The following RUBCN variants were observed in gnomAD, a reference collection of about 807,000 sequenced individuals.
RUBCN encodes the protein run domain Beclin-1-interacting and cysteine-rich domain-containing protein.
Under a neutral mutation model 113.2 loss-of-function variants are expected in RUBCN, and 74 were observed. That is an observed-to-expected ratio of 0.65 (90% CI 0.54 to 0.79). The LOEUF is 0.79. RUBCN is among the 30% of genes least tolerant of loss of function. The probability of loss-of-function intolerance (pLI) is 0.00; values close to 1 mark genes in which losing one functional copy is unlikely to be tolerated. For missense variants in RUBCN, 1,109 were observed against 1,251.7 expected (o/e 0.89, Z 1.72); for synonymous variants, 480 against 490.0 (o/e 0.98, Z 0.27).
intron 11 of RUBCN, chr3:197,691,210 C>CTA (rs1292359089): frequency 2.3e-6 from 2 of 861,370 alleles, no homozygotes; most frequent in Non-Finnish European, 3.3e-6. Context: ...AACTAATATT[C>CTA]TATACCATAT....
At chr3:197,737,975 A>G (rs1356529497), upstream of RUBCN, among the ~76,000 whole-genome samples, 1 of 152,078 alleles carries the variant, frequency 6.6e-6, no homozygotes, top group African/African-American at 2.4e-5. Flanking sequence ...TGCAGCCTGG[A>G]ACTCCTGGGC....
chr3:197,674,415 C>T lies in RUBCN; in HGVS notation c.*603G>A, dbSNP rs1720103586. ...GCAACATAGGGACATTCACAGCTGC[C>T]TCTGAGGTCTCTGAGGAGTCTAGGA... On this transcript the variant is annotated 3_prime_UTR_variant, in exon 20 of 20. Coordinates refer to ENST00000296343, the MANE Select transcript of RUBCN (RefSeq NM_014687.4). 6.7e-6 allele frequency: 2 copies of T among 300,106 alleles called. No homozygotes were observed. The highest frequency in any genetic ancestry group is 2.3e-5 in the African/African-American group (1 of 44,138). The allele number at this position is 300,106 out of a possible 1,614,324, so 18.6% of individuals were successfully genotyped here. A position where few individuals can be genotyped will look rare whatever the true frequency, so the allele number is the denominator to read the frequency against.
intron 6 of RUBCN, among the ~76,000 whole-genome samples, chr3:197,701,438 C>G (rs1262172448): frequency 2.0e-5 from 3 of 152,148 alleles, no homozygotes; most frequent in African/African-American, 7.2e-5. Flanking sequence ...ACATGATTGG[C>G]AATCATTCGG....
chr3:197,693,178 ACTC>A (rs1289852225), intron 11 of RUBCN, among the ~76,000 whole-genome samples: 2 of 151,872 alleles, frequency 1.3e-5, no homozygotes, highest in African/African-American at 4.8e-5. Context: ...CTATGCTGAT[ACTC>A]CTACCACCAC....
At chr3:197,710,454 G>C (rs1724831801) in intron 2 of RUBCN, among the ~76,000 whole-genome samples, 1 of 151,990 alleles carries the variant, frequency 6.6e-6, no homozygotes, top group Admixed American at 6.6e-5. Context: ...TACAAAATTA[G>C]CTGGGCATGG....
chr3:197,694,533 A>T lies in RUBCN; in HGVS notation c.1526T>A (p.Met509Lys). The change falls in exon 10 of 20, where the codon ATG (methionine) becomes AAG (lysine). Residue 509 changes from methionine to lysine, a missense_variant. By Grantham distance (95) the Met-to-Lys change is moderately conservative (BLOSUM62 -1). Coordinates refer to ENST00000296343, the MANE Select transcript of RUBCN (RefSeq NM_014687.4). ...GCACTGGCTCATCATGTTGCACTTC[A>T]TTAGCTCGATGGCAGCAATTAAGGA... ...SESLIAAIEL[M>K]KCNMMSQCLE... The T allele has an allele frequency of 6.2e-7, 1 of 1,614,190 alleles. No individual in the cohort carries two copies. Among genetic ancestry groups the T allele is most frequent in the Non-Finnish European group, 8.5e-7 (1 of 1,180,028 alleles).
intron 1 of RUBCN, among the ~76,000 whole-genome samples, chr3:197,732,851 A>C (rs1352295805): frequency 1.3e-5 from 2 of 152,162 alleles, no homozygotes. Flanking sequence ...AACAAGTGAT[A>C]CCCTTGCAAA....
chr3:197,739,581 A>C (rs1481951601), upstream of RUBCN, among the ~76,000 whole-genome samples: 2 of 151,932 alleles, frequency 1.3e-5, no homozygotes, highest in Non-Finnish European at 2.9e-5. Context: ...CTGTAGTCCC[A>C]GCTACTCCGG....
intron 5 of RUBCN, among the ~76,000 whole-genome samples, chr3:197,703,323 A>G (rs1171072342): frequency 1.4e-5 from 2 of 139,882 alleles, no homozygotes; most frequent in Non-Finnish European, 3.0e-5. Context: ...GCCTGAACCC[A>G]GGAGATAGAG....
intron 13 of RUBCN, among the ~76,000 whole-genome samples, chr3:197,682,896 C>T (rs1721412768): frequency 1.3e-5 from 2 of 152,178 alleles, no homozygotes; most frequent in African/African-American, 4.8e-5. Flanking sequence ...TTCCAAGAAG[C>T]AAACAGAAAC....
Position 197,669,455 on chromosome 3 carries a change from ATGTTGTT to A in RUBCN, c.*5556_*5562del, listed in dbSNP as rs1405304335. Among the ~76,000 whole-genome samples the A allele has an allele frequency of 1.3e-5, 2 of 152,068 alleles. No homozygotes were observed. Among genetic ancestry groups the A allele is most frequent in the Non-Finnish European group, 2.9e-5 (2 of 68,002 alleles). ...TTCCTCGAATTTTGCTCCTGTGTTT[ATGTTGTT>A]TGTTGTTTTTCTCATGATTAGACTG... On this transcript the variant is annotated 3_prime_UTR_variant, in exon 20 of 20. Coordinates refer to ENST00000296343, the MANE Select transcript of RUBCN (RefSeq NM_014687.4).
At position 197,736,817 on chromosome 3, in the gene RUBCN, C is replaced by G. The variant is rs1424311799; in HGVS notation, c.-98G>C. On this transcript the variant is annotated 5_prime_UTR_variant, in exon 1 of 20. Transcript: ENST00000296343. Reference sequence around the variant, plus strand: ...CCCCTGGGGCCGGAGGAGGCACCTGCGGCCGGTGGGCTCCGGGTGATGCGC... The same window carrying G: ...CCCCTGGGGCCGGAGGAGGCACCTGGGGCCGGTGGGCTCCGGGTGATGCGC... 1.4e-6 allele frequency: 2 copies of G among 1,437,378 alleles called. No homozygotes were observed. Among genetic ancestry groups the G allele is most frequent in the East Asian group, 5.5e-5 (2 of 36,526 alleles). The allele number at this position is 1,437,378 out of a possible 1,614,324, so 89.0% of individuals were successfully genotyped here. A position where few individuals can be genotyped will look rare whatever the true frequency, so the allele number is the denominator to read the frequency against.
chr3:197,739,497 T>TC (rs1728424417), upstream of RUBCN, among the ~76,000 whole-genome samples: 1 of 145,788 alleles, frequency 6.9e-6, no homozygotes, highest in Admixed American at 6.9e-5. Context: ...ATGGAGACTA[T>TC]CCTGGCTGAC....
At chr3:197,688,659 T>C (rs1463174983) in intron 11 of RUBCN, among the ~76,000 whole-genome samples, 2 of 151,840 alleles carry the variant, frequency 1.3e-5, no homozygotes, top group African/African-American at 4.8e-5. Flanking sequence ...GGGAAAAAAA[T>C]AGCAACAACA....
rs1193953330 is a variant in RUBCN, at chr3:197,683,899, G to A, written c.1847+258C>T. Among the ~76,000 whole-genome samples the A allele has an allele frequency of 6.6e-6, 1 of 151,962 alleles. No homozygotes were observed. The highest frequency in any genetic ancestry group is 2.4e-5 in the African/African-American group (1 of 41,322). The stretch of plus-strand genomic sequence containing the variant: ...ACTGCTCTCTTTTGAGACCTTCTGG[G>A]GCCTCTGGTTATGATGAGAGTCAGC... On this transcript the variant is annotated intron_variant, in intron 12 of 19. Coordinates refer to ENST00000296343, the MANE Select transcript of RUBCN (RefSeq NM_014687.4). This position sits in a 1 kb window ranked among gnomAD's most constrained non-coding sequence, Gnocchi z 4.6.
intron 16 of RUBCN, among the ~76,000 whole-genome samples, chr3:197,679,248 C>G (rs1252565627): frequency 1.3e-5 from 2 of 150,946 alleles, no homozygotes; most frequent in African/African-American, 4.9e-5. Flanking sequence ...TTCAGACTGT[C>G]CTACGCTCTG....
intron 1 of RUBCN, among the ~76,000 whole-genome samples, chr3:197,735,177 G>C (rs1727977054): frequency 6.6e-6 from 1 of 152,142 alleles, no homozygotes. Context: ...GGGGAGAATT[G>C]CTTGAGCCCA....
rs1043909614 is a variant in RUBCN, at chr3:197,671,836, G to C, written c.*3182C>G. 7 of 152,222 alleles carry C rather than the reference G, an allele frequency of 4.6e-5. No homozygotes were observed. The highest frequency in any genetic ancestry group is 1.0e-4 in the Non-Finnish European group (7 of 68,032). The allele number at this position is 152,222 out of a possible 1,614,324, so 9.4% of individuals were successfully genotyped here. A position where few individuals can be genotyped will look rare whatever the true frequency, so the allele number is the denominator to read the frequency against. On this transcript the variant is annotated 3_prime_UTR_variant, in exon 20 of 20. Coordinates refer to ENST00000296343, the MANE Select transcript of RUBCN (RefSeq NM_014687.4). Reference sequence around the variant, plus strand: ...TGAAGTGGTTCGCTCGAGGTCTCATGGCAAGTTAGAGACACAGCCACTCCA... The same window carrying C: ...TGAAGTGGTTCGCTCGAGGTCTCATCGCAAGTTAGAGACACAGCCACTCCA...
chr3:197,690,146 T>C (rs1722266045), intron 11 of RUBCN, among the ~76,000 whole-genome samples: 1 of 152,218 alleles, frequency 6.6e-6, no homozygotes, highest in African/African-American at 2.4e-5. Flanking sequence ...AAAGTTTTAA[T>C]AAAAAGTTCT....
Sources: gnomAD v4.1 joint callset for allele counts (sites outside exome capture counted in the v4.1 genomes callset) on GRCh38, gnomAD v4.1.1 for gene constraint, Gnocchi (gnomAD v3.1) non-coding constraint, MANE v1.5 for transcripts, NCBI Gene and HGNC (gene_info 2026-07-23, HGNC 2026-07-21) for gene names.